Variants in CORIN observed in about 807,000 individuals in gnomAD.
CORIN encodes atrial natriuretic peptide-converting enzyme.
Under a neutral mutation model 125.3 loss-of-function variants are expected in CORIN, and 117 were observed. The observed-to-expected ratio is 0.93, with a 90% CI of 0.80 to 1.09. CORIN has a LOEUF of 1.09. Ranked by LOEUF, CORIN falls within the 50% of genes least tolerant of loss-of-function variation. The pLI, the probability that CORIN is intolerant of heterozygous loss-of-function variation, is 0.00. For missense variants in CORIN, 1,253 were observed against 1,306.7 expected (o/e 0.96, Z 0.63); for synonymous variants, 450 against 466.4 (o/e 0.96, Z 0.45).
rs112054085 is a variant in CORIN, at chr4:47,807,147, A to C, written c.64-100T>G. The C allele has an allele frequency of 2.6e-5, 23 of 878,294 alleles. 1 individual carries two copies. The African/African-American group carries it at 3.1e-4, about 12-fold the overall frequency. The allele number at this position is 878,294 out of a possible 1,614,324, so 54.4% of individuals were successfully genotyped here. ...CCATTTAGAACAGCACATTCCAAAA[A>C]GATTTTACAGTTTGTGGTTTAGGGT... On this transcript the variant is annotated intron_variant, in intron 1 of 21. Transcript: ENST00000273857.
Position 47,809,565 on chromosome 4 carries a change from C to T in CORIN, c.64-2518G>A, listed in dbSNP as rs115618285. 7.1e-3 allele frequency among the ~76,000 whole-genome samples: 1,084 copies of T among 151,934 alleles called. 17 individuals carry two copies. Among genetic ancestry groups the T allele is most frequent in the African/African-American group, 0.024 (986 of 41,406 alleles). On this transcript the variant is annotated intron_variant, in intron 1 of 21. Coordinates refer to ENST00000273857, the MANE Select transcript of CORIN (RefSeq NM_006587.4). ...GATTATAGGCACACACCACCACTCC[C>T]GGCTAATTTTTTGTGCATTTTTAAT...
chr4:47,739,637 G>C (rs1728295816), intron 5 of CORIN, among the ~76,000 whole-genome samples: 1 of 151,720 alleles, frequency 6.6e-6, no homozygotes, highest in Non-Finnish European at 1.5e-5. Context: ...TAATTAAATA[G>C]GTAAAAGTAA....
At chr4:47,673,843 C>A (rs894423398) in intron 10 of CORIN, among the ~76,000 whole-genome samples, 1 of 152,046 alleles carries the variant, frequency 6.6e-6, no homozygotes, top group African/African-American at 2.4e-5. Flanking sequence ...GGGTGTTTAG[C>A]GCCTGTAATC....
intron 13 of CORIN, among the ~76,000 whole-genome samples, chr4:47,647,929 G>C (rs1389636062): frequency 6.6e-6 from 1 of 152,016 alleles, no homozygotes; most frequent in Non-Finnish European, 1.5e-5. Context: ...TGCTTCATAG[G>C]GTTGCTATAA....
intron 13 of CORIN, among the ~76,000 whole-genome samples, chr4:47,648,797 C>G (rs573261292): frequency 6.6e-6 from 1 of 152,148 alleles, no homozygotes; most frequent in Non-Finnish European, 1.5e-5. Flanking sequence ...ATTGAGCTGA[C>G]AAAGGCTGGA....
chr4:47,818,085 C>T (rs1235727536), intron 1 of CORIN, among the ~76,000 whole-genome samples: 1 of 152,164 alleles, frequency 6.6e-6, no homozygotes, highest in African/African-American at 2.4e-5. Context: ...ATTCAAAGGC[C>T]TGTGCATTAA....
At chr4:47,748,996 A>T (rs1331636801) in intron 4 of CORIN, among the ~76,000 whole-genome samples, 1 of 152,152 alleles carries the variant, frequency 6.6e-6, no homozygotes, top group East Asian at 1.9e-4. Flanking sequence ...CCCTATTTGA[A>T]TTTTGCCAGG....
intron 16 of CORIN, among the ~76,000 whole-genome samples, chr4:47,628,048 A>G (rs1300801713): frequency 2.0e-5 from 3 of 152,192 alleles, no homozygotes. Flanking sequence ...GGCAATCTAG[A>G]TGGAATTTCT....
intron 5 of CORIN, among the ~76,000 whole-genome samples, chr4:47,722,793 G>A (rs1170648850): frequency 1.3e-5 from 2 of 152,158 alleles, no homozygotes; most frequent in Non-Finnish European, 2.9e-5. Context: ...ACCTCCCCCT[G>A]TGATTGTAAC....
intron 10 of CORIN, among the ~76,000 whole-genome samples, chr4:47,672,060 G>C (rs1471779289): frequency 6.6e-6 from 1 of 152,188 alleles, no homozygotes; most frequent in Admixed American, 6.5e-5. Context: ...TAGGTAAACT[G>C]AGTGTATTTA....
At chr4:47,601,570 C>G (rs1577726366) in intron 20 of CORIN, among the ~76,000 whole-genome samples, 2 of 152,010 alleles carry the variant, frequency 1.3e-5, no homozygotes, top group East Asian at 3.9e-4. Flanking sequence ...AACTCCTGGG[C>G]TCAATTCATG....
intron 16 of CORIN, among the ~76,000 whole-genome samples, chr4:47,636,686 C>T (rs1448869921): frequency 1.3e-5 from 2 of 152,168 alleles, no homozygotes; most frequent in African/African-American, 2.4e-5. Flanking sequence ...CTGCCATCCA[C>T]GTGAGATGTG....
At chr4:47,785,725 A>G (rs1296450475) in intron 3 of CORIN, among the ~76,000 whole-genome samples, 2 of 151,956 alleles carry the variant, frequency 1.3e-5, no homozygotes, top group Non-Finnish European at 2.9e-5. Context: ...CAGCCTGACT[A>G]ACATGGTGAA....
intron 4 of CORIN, among the ~76,000 whole-genome samples, chr4:47,761,296 C>T (rs1729443499): frequency 6.6e-6 from 1 of 152,166 alleles, no homozygotes; most frequent in Non-Finnish European, 1.5e-5. Flanking sequence ...AGAGATATGC[C>T]ACTCTTCCCT....
Position 47,623,755 on chromosome 4 carries a change from A to G in CORIN, c.2366-10T>C. 6.2e-7 allele frequency: 1 copy of G among 1,613,898 alleles called. No homozygotes were observed. Among genetic ancestry groups the G allele is most frequent in the Non-Finnish European group, 8.5e-7 (1 of 1,179,974 alleles). ...GGGCGGCGCCCACAGTCTACCAAGG[A>G]GCAGAAGACACAGTTTGTGAGTTGA... On this transcript the variant is annotated splice_polypyrimidine_tract_variant and intron_variant, in intron 18 of 21. Coordinates refer to ENST00000273857, the MANE Select transcript of CORIN (RefSeq NM_006587.4).
intron 3 of CORIN, among the ~76,000 whole-genome samples, chr4:47,771,639 T>A (rs1370161630): frequency 6.6e-6 from 1 of 152,180 alleles, no homozygotes; most frequent in Non-Finnish European, 1.5e-5. Context: ...TTTCCCTCTA[T>A]GTGTCCATGT....
intron 1 of CORIN, among the ~76,000 whole-genome samples, chr4:47,821,291 T>C (rs566244240): frequency 1.3e-5 from 2 of 151,930 alleles, no homozygotes; most frequent in East Asian, 1.9e-4. Context: ...TAAAATATGT[T>C]CAATTTAACT....
chr4:47,714,779 T>G (rs1356673307), intron 5 of CORIN, among the ~76,000 whole-genome samples: 1 of 152,224 alleles, frequency 6.6e-6, no homozygotes, highest in Non-Finnish European at 1.5e-5. Flanking sequence ...TGCTGACCCC[T>G]GATCCAGAAG....
chr4:47,696,004 G>A lies in CORIN; in HGVS notation c.800-2921C>T, dbSNP rs569259213. 9.2e-5 allele frequency among the ~76,000 whole-genome samples: 14 copies of A among 152,188 alleles called. No individual in the cohort carries two copies. In the East Asian group the frequency reaches 1.5e-3, roughly 17 times the overall value. On this transcript the variant is annotated intron_variant, in intron 5 of 21. Coordinates refer to ENST00000273857, the MANE Select transcript of CORIN (RefSeq NM_006587.4). Reference sequence around the variant, plus strand: ...CTGGTACTTGTGCAATAGTGTAGTCGGCTGATACTCGGCCAGTTTAAGGGC... The same window carrying A: ...CTGGTACTTGTGCAATAGTGTAGTCAGCTGATACTCGGCCAGTTTAAGGGC...
Sources: gnomAD v4.1 joint callset for allele counts (sites outside exome capture counted in the v4.1 genomes callset) on GRCh38, gnomAD v4.1.1 for gene constraint, MANE v1.5 for transcripts, NCBI Gene and HGNC (gene_info 2026-07-23, HGNC 2026-07-21) for gene names.